Variants in UVRAG observed in about 807,000 individuals in gnomAD.
UVRAG encodes UV radiation resistance associated.
In UVRAG, 19 loss-of-function variants were observed where a neutral mutation model predicts 78.0. That is an observed-to-expected ratio of 0.24 (90% confidence interval 0.17 to 0.36). The LOEUF (loss-of-function observed/expected upper bound fraction) is 0.36. Among genes scored for constraint, UVRAG ranks in the 10% least tolerant of loss-of-function variants. The pLI is 1.00. For synonymous variants in UVRAG, 323 were observed against 324.6 expected, an observed-to-expected ratio of 1.00 and a Z score of 0.05; for missense variants, 740 against 853.8, an observed-to-expected ratio of 0.87 and a Z score of 1.66.
intron 6 of UVRAG, among the ~76,000 whole-genome samples, chr11:75,918,290 A>T (rs946029346): frequency 9.9e-5 from 15 of 151,694 alleles, no homozygotes; most frequent in Non-Finnish European, 2.1e-4. Context: ...AAGGCAGGAG[A>T]ATGGCGTGAA....
chr11:75,932,597 C>G (rs189911413), intron 6 of UVRAG, among the ~76,000 whole-genome samples: 87 of 152,120 alleles, frequency 5.7e-4, no homozygotes, highest in African/African-American at 2.0e-3. Context: ...ATGATATGAT[C>G]TTATGTTTGG....
chr11:76,063,405 C>A (rs1182604258), intron 12 of UVRAG, among the ~76,000 whole-genome samples: 3 of 152,202 alleles, frequency 2.0e-5, no homozygotes, highest in Admixed American at 6.5e-5. Flanking sequence ...GCAGTTCTCC[C>A]CACTAACCTC....
intron 1 of UVRAG, among the ~76,000 whole-genome samples, chr11:75,825,117 T>C (rs1162525726): frequency 1.3e-5 from 2 of 152,006 alleles, no homozygotes; most frequent in Non-Finnish European, 2.9e-5. Flanking sequence ...ATGTCTTTTT[T>C]TTTTTTTTGA....
At chr11:76,092,140 A>G (rs1951710894) in intron 13 of UVRAG, among the ~76,000 whole-genome samples, 1 of 152,146 alleles carries the variant, frequency 6.6e-6, no homozygotes, top group South Asian at 2.1e-4. Context: ...TTCCAGCTTC[A>G]TCCATGTCCC....
intron 5 of UVRAG, chr11:75,911,662 C>G (rs1243255985): frequency 4.1e-6 from 1 of 244,224 alleles, no homozygotes; most frequent in Non-Finnish European, 7.8e-6. Flanking sequence ...GGGGCGGCAC[C>G]TGCTGGGCTG....
At chr11:75,834,374 A>G (rs1211780481) in intron 1 of UVRAG, among the ~76,000 whole-genome samples, 1 of 151,552 alleles carries the variant, frequency 6.6e-6, no homozygotes, top group Non-Finnish European at 1.5e-5. Context: ...TTCATAAGGT[A>G]TCACTTCTGG....
At chr11:76,080,128 G>T (rs1343587842) in intron 13 of UVRAG, among the ~76,000 whole-genome samples, 1 of 152,114 alleles carries the variant, frequency 6.6e-6, no homozygotes, top group Non-Finnish European at 1.5e-5. Context: ...GAGCCTTCAT[G>T]ACCTAATCAC....
chr11:76,025,563 G>T (rs1434766933), intron 12 of UVRAG, among the ~76,000 whole-genome samples: 1 of 152,084 alleles, frequency 6.6e-6, no homozygotes, highest in Non-Finnish European at 1.5e-5. Flanking sequence ...TTTTTCTGTT[G>T]TAGAATTATT....
chr11:76,069,142 T>A (rs1013828036), intron 13 of UVRAG, among the ~76,000 whole-genome samples: 3 of 152,194 alleles, frequency 2.0e-5, no homozygotes, highest in Non-Finnish European at 4.4e-5. Flanking sequence ...TTAGTAATAT[T>A]TGTTACTTCA....
chr11:75,843,070 A>G (rs1259161577), intron 1 of UVRAG, among the ~76,000 whole-genome samples: 1 of 152,210 alleles, frequency 6.6e-6, no homozygotes, highest in East Asian at 1.9e-4. Flanking sequence ...TGCTTGATGC[A>G]GAACAAGATT....
chr11:75,915,888 G>A (rs776362069), intron 6 of UVRAG, among the ~76,000 whole-genome samples: 12 of 152,164 alleles, frequency 7.9e-5, no homozygotes, highest in Non-Finnish European at 1.6e-4. Flanking sequence ...TAACCATGGT[G>A]TCAGTGTGGA....
intron 12 of UVRAG, among the ~76,000 whole-genome samples, chr11:76,063,713 A>G (rs527820072): frequency 6.6e-6 from 1 of 152,268 alleles, no homozygotes; most frequent in East Asian, 1.9e-4. Flanking sequence ...ATACTCCTTT[A>G]ATGAGTCCTC....
At chr11:76,047,856 A>G (rs1950790838) in intron 12 of UVRAG, among the ~76,000 whole-genome samples, 1 of 152,232 alleles carries the variant, frequency 6.6e-6, no homozygotes, top group Non-Finnish European at 1.5e-5. Context: ...TACATGTGTA[A>G]CATCCTCCAA....
intron 8 of UVRAG, among the ~76,000 whole-genome samples, chr11:75,996,566 A>G (rs895996825): frequency 6.6e-6 from 1 of 152,178 alleles, no homozygotes; most frequent in African/African-American, 2.4e-5. Flanking sequence ...TGTTCTAACT[A>G]GGGGGAGAAG....
intron 1 of UVRAG, among the ~76,000 whole-genome samples, chr11:75,840,977 G>A (rs1355244626): frequency 1.3e-5 from 2 of 152,124 alleles, no homozygotes; most frequent in Non-Finnish European, 2.9e-5. Context: ...TAGTTCAGTA[G>A]TTGAGTATCT....
intron 6 of UVRAG, among the ~76,000 whole-genome samples, chr11:75,946,705 G>C (rs868568588): frequency 6.6e-6 from 1 of 152,188 alleles, no homozygotes; most frequent in Non-Finnish European, 1.5e-5. Flanking sequence ...GAGGGCTGCT[G>C]TCAGCCCCAT....
chr11:75,930,516 G>A (rs901635494), intron 6 of UVRAG, among the ~76,000 whole-genome samples: 1 of 152,136 alleles, frequency 6.6e-6, no homozygotes, highest in African/African-American at 2.4e-5. Flanking sequence ...TTATAGAACT[G>A]TTTTTATATA....
chr11:75,823,803 C>T (rs939460231), intron 1 of UVRAG, among the ~76,000 whole-genome samples: 6 of 152,170 alleles, frequency 3.9e-5, no homozygotes, highest in African/African-American at 1.4e-4. Flanking sequence ...GTGCCTAACA[C>T]TGTGCTGATG....
At chr11:76,091,897 C>T (rs1951705211) in intron 13 of UVRAG, among the ~76,000 whole-genome samples, 1 of 151,902 alleles carries the variant, frequency 6.6e-6, no homozygotes, top group East Asian at 1.9e-4. Context: ...AGGTTTGTTA[C>T]ATATGTATAC....
Sources: allele counts gnomAD v4.1 joint callset (sites outside exome capture counted in the v4.1 genomes callset), GRCh38; gene constraint gnomAD v4.1.1; transcripts MANE v1.5; gene names NCBI Gene and HGNC (gene_info 2026-07-23, HGNC 2026-07-21).